SYNDIG1: variants seen among roughly 807,000 people sequenced by gnomAD.
SYNDIG1 encodes synapse differentiation-inducing gene protein 1.
In SYNDIG1, 9 loss-of-function variants were observed where a neutral mutation model predicts 19.4. The observed-to-expected ratio is 0.46, with a 90% CI of 0.28 to 0.81. The LOEUF (loss-of-function observed/expected upper bound fraction) is 0.81, where lower values mean the gene tolerates loss of function less well. SYNDIG1 is among the 30% of genes least tolerant of loss of function. SYNDIG1 has a pLI of 0.12. For synonymous variants in SYNDIG1, 141 were observed against 145.9 expected (o/e 0.97, Z 0.24); for missense variants, 311 against 343.3 (o/e 0.91, Z 0.74).
At chr20:24,626,564 C>A (rs1202169507) in intron 3 of SYNDIG1, among the ~76,000 whole-genome samples, 1 of 151,660 alleles carries the variant, frequency 6.6e-6, no homozygotes, top group African/African-American at 2.4e-5. Flanking sequence ...GGATGGCGGC[C>A]GGGCAGAGAC....
chr20:24,505,386 C>T (rs866361419), intron 1 of SYNDIG1, among the ~76,000 whole-genome samples: 8 of 152,078 alleles, frequency 5.3e-5, no homozygotes, highest in South Asian at 2.1e-4. Flanking sequence ...GACTCACTGG[C>T]GTTTAGGACC....
chr20:24,632,431 G>A (rs575683382), intron 3 of SYNDIG1, among the ~76,000 whole-genome samples: 153 of 152,134 alleles, frequency 1.0e-3, no homozygotes, highest in African/African-American at 3.6e-3. Flanking sequence ...GTAGAGATGG[G>A]GTTTCACCAC....
intron 1 of SYNDIG1, among the ~76,000 whole-genome samples, chr20:24,512,587 G>C (rs555286414): frequency 6.6e-6 from 1 of 152,124 alleles, no homozygotes; most frequent in South Asian, 2.1e-4. Flanking sequence ...CAGCGAGGCT[G>C]GGGGAGGGGC....
At chr20:24,626,240 A>C (rs62215319) in intron 3 of SYNDIG1, among the ~76,000 whole-genome samples, 99 of 76,204 alleles carry the variant, frequency 1.3e-3, no homozygotes, top group South Asian at 3.3e-3. Context: ...CCTCCCGGAC[A>C]GGGTGGCTGC....
chr20:24,479,499 C>T (rs1306351476), intron 1 of SYNDIG1, among the ~76,000 whole-genome samples: 1 of 152,164 alleles, frequency 6.6e-6, no homozygotes, highest in Non-Finnish European at 1.5e-5. Context: ...TCTGCTCCCT[C>T]CAGCCCCTCA....
At chr20:24,471,628 A>G (rs1257507481) in intron 1 of SYNDIG1, among the ~76,000 whole-genome samples, 2 of 151,948 alleles carry the variant, frequency 1.3e-5, no homozygotes, top group African/African-American at 2.4e-5. Context: ...AAGGAAAGAA[A>G]AGATGGAGAA....
intron 1 of SYNDIG1, among the ~76,000 whole-genome samples, chr20:24,505,778 G>A (rs1267363489): frequency 1.3e-5 from 2 of 152,188 alleles, no homozygotes; most frequent in Non-Finnish European, 1.5e-5. Context: ...AATATAGAAA[G>A]TGGGATGCTA....
At chr20:24,589,423 T>G (rs1248633607) in intron 3 of SYNDIG1, among the ~76,000 whole-genome samples, 1 of 152,198 alleles carries the variant, frequency 6.6e-6, no homozygotes, top group East Asian at 1.9e-4. Context: ...CAAATGAAAA[T>G]AGAACCACAG....
At chr20:24,471,453 C>A (rs911323060) in intron 1 of SYNDIG1, among the ~76,000 whole-genome samples, 5 of 151,782 alleles carry the variant, frequency 3.3e-5, no homozygotes, top group Non-Finnish European at 5.9e-5. Flanking sequence ...CCTGAGGAAG[C>A]GCGATCCCCT....
In SYNDIG1 at chr20:24,520,433, CGCCT is replaced by C. The variant is rs370014716; in HGVS notation, c.-78-22586_-78-22583del. On this transcript the variant is annotated intron_variant, in intron 1 of 3. Coordinates refer to ENST00000376862, the MANE Select transcript of SYNDIG1 (RefSeq NM_024893.3). The stretch of plus-strand genomic sequence containing the variant: ...AGTTCAGGCCAGGTGCGGTGGCTCA[CGCCT>C]ATAATCCCAGGACTTTGGGAGGCTG... Among the ~76,000 whole-genome samples, 553 of 152,260 alleles carry C rather than the reference CGCCT, an allele frequency of 3.6e-3. 3 individuals carry two copies. The highest frequency in any genetic ancestry group is 0.012 in the African/African-American group (480 of 41,548).
At position 24,516,473 on chromosome 20, in the gene SYNDIG1, G is replaced by C. The variant is rs905616606; in HGVS notation, c.-78-26547G>C. ...ATATCCAGAACTCAAACAAATTTAC[G>C]AGAAAAAAACAACCCTATCAACAAG... On this transcript the variant is annotated intron_variant, in intron 1 of 3. Coordinates refer to ENST00000376862, the MANE Select transcript of SYNDIG1 (RefSeq NM_024893.3). 2.6e-5 allele frequency among the ~76,000 whole-genome samples: 4 copies of C among 151,718 alleles called. No homozygotes were observed. In the East Asian group the frequency reaches 7.7e-4, roughly 29 times the overall value.
chr20:24,500,577 C>CT (rs1485505369), intron 1 of SYNDIG1, among the ~76,000 whole-genome samples: 2 of 142,678 alleles, frequency 1.4e-5, no homozygotes, highest in Non-Finnish European at 3.1e-5. Context: ...TCTCTTTCTT[C>CT]TTTTTTTCCT....
At chr20:24,650,916 AC>A (rs896007263) in intron 3 of SYNDIG1, among the ~76,000 whole-genome samples, 10 of 151,632 alleles carry the variant, frequency 6.6e-5, no homozygotes, top group African/African-American at 2.4e-4. Context: ...GCTCACTGCA[AC>A]CCCCGCCTCC....
intron 1 of SYNDIG1, among the ~76,000 whole-genome samples, chr20:24,527,524 C>CTTTAT (rs2057152187): frequency 6.8e-6 from 1 of 146,398 alleles, no homozygotes. Flanking sequence ...TTTTTTTTTC[C>CTTTAT]TTTCTTTTCT....
chr20:24,632,946 AGTTT>A (rs1439942623), intron 3 of SYNDIG1, among the ~76,000 whole-genome samples: 1 of 149,802 alleles, frequency 6.7e-6, no homozygotes, highest in Non-Finnish European at 1.5e-5. Flanking sequence ...GATTATGTGA[AGTTT>A]GTTTTTTTTT....
chr20:24,531,719 TC>T (rs2057264445), intron 1 of SYNDIG1, among the ~76,000 whole-genome samples: 1 of 152,170 alleles, frequency 6.6e-6, no homozygotes, highest in Non-Finnish European at 1.5e-5. Context: ...AATGCATAAT[TC>T]CCCCTGGAGC....
intron 2 of SYNDIG1, among the ~76,000 whole-genome samples, chr20:24,574,490 A>AAAAT (rs1234409729): frequency 2.0e-5 from 3 of 151,668 alleles, no homozygotes; most frequent in Non-Finnish European, 4.4e-5. Flanking sequence ...CTCTGTCTCT[A>AAAAT]AAATAAATAA....
intron 3 of SYNDIG1, among the ~76,000 whole-genome samples, chr20:24,664,498 C>T (rs920664080): frequency 3.3e-5 from 5 of 152,074 alleles, no homozygotes; most frequent in Admixed American, 2.0e-4. Context: ...CGTGGGCTCC[C>T]GTGGCTCAGT....
intron 3 of SYNDIG1, among the ~76,000 whole-genome samples, chr20:24,590,009 G>A (rs2058480794): frequency 6.6e-6 from 1 of 152,216 alleles, no homozygotes; most frequent in Non-Finnish European, 1.5e-5. Flanking sequence ...CAGAGCTAAC[G>A]TGCTCGTCGC....
Sources: gnomAD v4.1 joint callset for allele counts (sites outside exome capture counted in the v4.1 genomes callset) on GRCh38, gnomAD v4.1.1 for gene constraint, MANE v1.5 for transcripts, NCBI Gene and HGNC (gene_info 2026-07-23, HGNC 2026-07-21) for gene names.